SPART: variants seen among roughly 807,000 people sequenced by gnomAD.
The protein encoded by SPART is spastic paraplegia 20 (Troyer syndrome).
In SPART, 35 loss-of-function variants were observed where a neutral mutation model predicts 58.7. The observed-to-expected ratio is 0.60, with a 90% CI of 0.46 to 0.79. SPART has a LOEUF of 0.79. Ranked by LOEUF, SPART falls within the 30% of genes least tolerant of loss-of-function variation. The probability of loss-of-function intolerance (pLI) is 0.00; values close to 1 mark genes in which losing one functional copy is unlikely to be tolerated. For missense variants in SPART, 730 were observed against 786.1 expected (o/e 0.93, Z 0.85); for synonymous variants, 284 against 280.7 (o/e 1.01, Z -0.12).
chr13:36,328,481 C>T (rs911533808), intron 4 of SPART, among the ~76,000 whole-genome samples: 3 of 152,168 alleles, frequency 2.0e-5, no homozygotes, highest in Non-Finnish European at 4.4e-5. Context: ...GGGGGCTCCT[C>T]ACTGCTTCCC....
At chr13:36,332,872 C>T (rs934245415) in intron 2 of SPART, among the ~76,000 whole-genome samples, 1 of 151,912 alleles carries the variant, frequency 6.6e-6, no homozygotes. Context: ...TACATATTTC[C>T]CTTAATTTCA....
At chr13:36,346,499 C>T (rs1885141643), upstream of SPART, 1 of 152,950 alleles carries the variant, frequency 6.5e-6, no homozygotes, top group Non-Finnish European at 1.5e-5. Flanking sequence ...CCGCCGCAGC[C>T]TAGGTCACGT....
intron 1 of SPART, chr13:36,336,384 A>G (rs1444695240): frequency 6.5e-6 from 1 of 152,680 alleles, no homozygotes; most frequent in Non-Finnish European, 1.5e-5. Context: ...AAAAGGAACA[A>G]CCATTTTTCT....
At chr13:36,316,741 T>C (rs1426044996) in intron 5 of SPART, among the ~76,000 whole-genome samples, 3 of 152,312 alleles carry the variant, frequency 2.0e-5, no homozygotes, top group Non-Finnish European at 2.9e-5. Flanking sequence ...CAAAGCCTGT[T>C]TGGTGGTCTC....
intron 8 of SPART, among the ~76,000 whole-genome samples, chr13:36,307,164 A>T (rs1418923698): frequency 6.6e-6 from 1 of 152,084 alleles, no homozygotes; most frequent in African/African-American, 2.4e-5. Flanking sequence ...TCTTATTTTT[A>T]AACAAATTTA....
At position 36,353,531 on chromosome 13, in the gene SPART, G is replaced by T. The variant is rs866648936; in HGVS notation, c.-3+16558C>A. 7.9e-5 allele frequency among the ~76,000 whole-genome samples: 12 copies of T among 152,270 alleles called. No individual in the cohort carries two copies. The Middle Eastern group carries it at 0.01, about 129-fold the overall frequency. On this transcript the variant is annotated intron_variant, in intron 1 of 8. Coordinates refer to the SPART transcript ENST00000355182. The stretch of plus-strand genomic sequence containing the variant: ...GAGTTAGGAGACATCTCGGTAAAAG[G>T]GTGTTAGAAAGGCCCTATTATAGCA...
At chr13:36,312,705 G>A (rs879305922) in intron 6 of SPART, 32 of 571,504 alleles carry the variant, frequency 5.6e-5, no homozygotes, top group Non-Finnish European at 9.3e-5. Context: ...TGCCTCCTGA[G>A]TAGCTGGGAC....
chr13:36,318,330 C>T (rs1444622423), intron 5 of SPART, among the ~76,000 whole-genome samples: 1 of 152,150 alleles, frequency 6.6e-6, no homozygotes, highest in Non-Finnish European at 1.5e-5. Context: ...TTTTCTTTAT[C>T]CCAAATCAGA....
At chr13:36,305,015 G>A (rs1203637675) in intron 8 of SPART, among the ~76,000 whole-genome samples, 5 of 152,176 alleles carry the variant, frequency 3.3e-5, no homozygotes, top group South Asian at 4.1e-4. Flanking sequence ...CTAGAGTCAC[G>A]TAAGTAGTTT....
intron 1 of SPART, among the ~76,000 whole-genome samples, chr13:36,358,477 T>C (rs1885709197): frequency 6.6e-6 from 1 of 152,222 alleles, no homozygotes; most frequent in African/African-American, 2.4e-5. Context: ...GCTCGAACAA[T>C]TGGTACTGTA....
In SPART at chr13:36,336,709, C is replaced by T. The variant is rs1884044146; in HGVS notation, c.-2-877G>A. On this transcript the variant is annotated intron_variant, in intron 1 of 8. Coordinates refer to ENST00000438666, the MANE Select transcript of SPART (RefSeq NM_015087.5). Reference sequence around the variant, plus strand: ...GGTATATAACCAAGAGAAATGGATGCATGTGCATGCCAAAAACATGTATGG... The same window carrying T: ...GGTATATAACCAAGAGAAATGGATGTATGTGCATGCCAAAAACATGTATGG... Among the ~76,000 whole-genome samples the T allele has an allele frequency of 2.0e-5, 3 of 152,286 alleles. No homozygotes were observed. The South Asian group carries it at 6.2e-4, about 32-fold the overall frequency.
In SPART at chr13:36,302,025, T is replaced by C. The variant is rs1880033630; in HGVS notation, c.*2340A>G. On this transcript the variant is annotated 3_prime_UTR_variant, in exon 9 of 9. Coordinates refer to ENST00000438666, the MANE Select transcript of SPART (RefSeq NM_015087.5). ...TAAGACTTCACATTCAGACACTATA[T>C]GTAGAAAGCTTCAAAAAATGAAACA... 2 of 152,118 alleles carry C rather than the reference T, an allele frequency of 1.3e-5. No individual in the cohort carries two copies. The allele number at this position is 152,118 out of a possible 1,614,324, so 9.4% of individuals were successfully genotyped here. A position where few individuals can be genotyped will look rare whatever the true frequency, so the allele number is the denominator to read the frequency against.
At chr13:36,355,240 G>A (rs76727614) in intron 1 of SPART, among the ~76,000 whole-genome samples, 15 of 152,120 alleles carry the variant, frequency 9.9e-5, no homozygotes, top group African/African-American at 2.4e-5. Context: ...AGCTCACTAA[G>A]GCTTTAAACT....
In SPART at chr13:36,331,405, C is replaced by T; in HGVS notation, c.1002G>A (p.Arg334=). The T allele has an allele frequency of 6.2e-7, 1 of 1,613,908 alleles. No individual in the cohort carries two copies. Among genetic ancestry groups the T allele is most frequent in the Non-Finnish European group, 8.5e-7 (1 of 1,179,892 alleles). The stretch of plus-strand genomic sequence containing the variant: ...AGATGATCACACAAGTTACCTGGAG[C>T]CGAAGGTCAGACATTTGCCTTAACA... ...EDLLRQMSDL[R]LQANWNRAEE... Residue 334 remains arginine (R), a synonymous_variant, in exon 3 of 9, where the codon CGG becomes CGA. Transcript: ENST00000438666.
chr13:36,314,251 C>T lies in SPART; in HGVS notation c.1459G>A (p.Ala487Thr). 5.0e-6 allele frequency: 8 copies of T among 1,614,096 alleles called. No individual in the cohort carries two copies. The highest frequency in any genetic ancestry group is 5.9e-6 in the Non-Finnish European group (7 of 1,180,024). Residue 487 changes from alanine (A) to threonine (T), a missense_variant, in exon 6 of 9, where the codon GCA becomes ACA. Transcript: ENST00000438666. ...LYIAKQATGG[A>T]AKVSQFLVDG... Reference sequence around the variant, plus strand: ...CCCAGGAACTGACTGACTTTTGCTGCTCCTCCTGTAGCTTGCTTCGCTATA... The same window carrying T: ...CCCAGGAACTGACTGACTTTTGCTGTTCCTCCTGTAGCTTGCTTCGCTATA...
chr13:36,318,067 T>C (rs1881929902), intron 5 of SPART, among the ~76,000 whole-genome samples: 1 of 152,132 alleles, frequency 6.6e-6, no homozygotes, highest in African/African-American at 2.4e-5. Context: ...TCGCTGAGTC[T>C]TTCTAATCTT....
chr13:36,329,268 C>T (rs1207954374), intron 4 of SPART, 94 bp downstream of exon 4: 10 of 1,441,838 alleles, frequency 6.9e-6, no homozygotes, highest in Admixed American at 1.7e-5. Flanking sequence ...AGTTGCTTTG[C>T]TTTAGTATAT....
intron 3 of SPART, among the ~76,000 whole-genome samples, chr13:36,330,429 T>TAC (rs10547331): frequency 0.026 from 3,843 of 150,192 alleles, 71 homozygotes; most frequent in South Asian, 0.064. Flanking sequence ...TATATTTTCA[T>TAC]ACACACACAC....
At chr13:36,323,665 T>C (rs1478038967) in intron 5 of SPART, among the ~76,000 whole-genome samples, 3 of 152,160 alleles carry the variant, frequency 2.0e-5, no homozygotes, top group East Asian at 3.9e-4. Flanking sequence ...CTGGAGTAAA[T>C]CTTTATTAAT....
Sources: allele counts gnomAD v4.1 joint callset (sites outside exome capture counted in the v4.1 genomes callset), GRCh38; gene constraint gnomAD v4.1.1; transcripts MANE v1.5; gene names NCBI Gene and HGNC (gene_info 2026-07-23, HGNC 2026-07-21).